Variants in UMAD1 observed in about 807,000 individuals in gnomAD.
UMAD1 encodes UBAP1-MVB12-associated (UMA)-domain containing protein 1.
In UMAD1, 8 loss-of-function variants were observed where a neutral mutation model predicts 6.1. That is an observed-to-expected ratio of 1.30 (90% CI 0.76 to 2.35). UMAD1 has a LOEUF of 2.35. Among genes scored for constraint, UMAD1 ranks in the 30% most tolerant of loss-of-function variants. The pLI is 0.00. For missense variants in UMAD1, 130 were observed against 78.4 expected (o/e 1.66, Z -2.49); for synonymous variants, 56 against 31.4 (o/e 1.78, Z -2.61).
At chr7:7,802,055 C>G (rs542976734) in intron 3 of UMAD1, among the ~76,000 whole-genome samples, 1 of 152,318 alleles carries the variant, frequency 6.6e-6, no homozygotes, top group East Asian at 1.9e-4. Context: ...AATAAATAGG[C>G]AGTATATTAA....
chr7:7,693,295 T>TATCTATCTATC, intron 2 of UMAD1, among the ~76,000 whole-genome samples: 1 of 148,886 alleles, frequency 6.7e-6, no homozygotes, highest in East Asian at 2.0e-4. Flanking sequence ...TAAAATATCT[T>TATCTATCTATC]TATCTATCTA....
chr7:7,785,318 A>G (rs575891222), intron 2 of UMAD1, among the ~76,000 whole-genome samples: 39 of 152,290 alleles, frequency 2.6e-4, no homozygotes, highest in African/African-American at 7.0e-4. Flanking sequence ...AAGAGGTGAC[A>G]TGGAATGGGG....
chr7:7,693,406 C>T (rs940051269), intron 2 of UMAD1, among the ~76,000 whole-genome samples: 4 of 152,022 alleles, frequency 2.6e-5, no homozygotes, highest in Admixed American at 6.6e-5. Flanking sequence ...TCCCTTCATT[C>T]TGCAATAGCT....
chr7:7,799,750 T>C (rs1583833969), intron 2 of UMAD1, among the ~76,000 whole-genome samples: 1 of 152,188 alleles, frequency 6.6e-6, no homozygotes, highest in East Asian at 1.9e-4. Flanking sequence ...CATGCATTGG[T>C]TTTTCCAGTG....
chr7:7,668,243 A>G (rs2115101184), intron 1 of UMAD1, among the ~76,000 whole-genome samples: 1 of 152,254 alleles, frequency 6.6e-6, no homozygotes, highest in East Asian at 1.9e-4. Context: ...ACACAATGTG[A>G]ATAATTGTGT....
chr7:7,877,692 A>G lies in UMAD1; in HGVS notation c.*154A>G. The G allele has an allele frequency of 5.1e-6, 3 of 590,794 alleles. No individual in the cohort carries two copies. The South Asian group carries it at 6.3e-5, about 12-fold the overall frequency. The allele number at this position is 590,794 out of a possible 1,614,324, so 36.6% of individuals were successfully genotyped here. On this transcript the variant is annotated 3_prime_UTR_variant, in exon 4 of 4. Transcript: ENST00000682710. ...TTATGTTCACTACTCTATTTTTAAG[A>G]AAAAGGTACATTTGTATACAAATTG...
chr7:7,761,327 T>C (rs1008980838), intron 2 of UMAD1, among the ~76,000 whole-genome samples: 1 of 138,346 alleles, frequency 7.2e-6, no homozygotes, highest in African/African-American at 2.8e-5. Flanking sequence ...ATCGTGTCAC[T>C]GTACTCCATC....
rs542662441 is a variant in UMAD1 at position 7,830,105 on chromosome 7, T to C, written c.156+28362T>C. ...AAAAGTTATATTATTTTCCCACCTC[T>C]CCCTCAAAAATCTACTATGTTATTT... On this transcript the variant is annotated intron_variant, in intron 3 of 3. Coordinates refer to ENST00000682710, the MANE Select transcript of UMAD1 (RefSeq NM_001302348.2). The surrounding 1 kb of genome is among the most constrained non-coding windows in gnomAD (Gnocchi z 5.3). Among the ~76,000 whole-genome samples the C allele has an allele frequency of 3.3e-5, 5 of 152,296 alleles. No individual in the cohort carries two copies. The highest frequency in any genetic ancestry group is 1.2e-4 in the African/African-American group (5 of 41,570).
intron 2 of UMAD1, among the ~76,000 whole-genome samples, chr7:7,688,868 G>C (rs1025982689): frequency 6.6e-6 from 1 of 151,976 alleles, no homozygotes; most frequent in Non-Finnish European, 1.5e-5. Flanking sequence ...TTTAATATTT[G>C]GTTAGAAAAC....
chr7:7,719,859 A>C (rs1781008066), intron 2 of UMAD1, among the ~76,000 whole-genome samples: 1 of 152,248 alleles, frequency 6.6e-6, no homozygotes, highest in South Asian at 2.1e-4. Context: ...TACAAACAAG[A>C]GATGGTAAAT....
chr7:7,758,591 C>T (rs1412268493), intron 2 of UMAD1, among the ~76,000 whole-genome samples: 1 of 152,160 alleles, frequency 6.6e-6, no homozygotes, highest in East Asian at 1.9e-4. Context: ...ATGCCATTTT[C>T]TTATACTTTT....
intron 2 of UMAD1, among the ~76,000 whole-genome samples, chr7:7,794,184 T>G (rs1264072977): frequency 6.6e-6 from 1 of 152,208 alleles, no homozygotes; most frequent in Non-Finnish European, 1.5e-5. Flanking sequence ...GTTTTCTGTA[T>G]TCACAGCCCT....
chr7:7,677,125 C>T (rs558983726), intron 2 of UMAD1, among the ~76,000 whole-genome samples: 11 of 152,006 alleles, frequency 7.2e-5, no homozygotes, highest in African/African-American at 2.4e-4. Context: ...ATTATGGGTC[C>T]GTAATAGTTG....
intron 3 of UMAD1, among the ~76,000 whole-genome samples, chr7:7,859,866 C>G (rs760191641): frequency 1.3e-5 from 2 of 152,162 alleles, no homozygotes; most frequent in Non-Finnish European, 2.9e-5. Flanking sequence ...TTTCACTAGA[C>G]TGTATTTTCC....
intron 2 of UMAD1, chr7:7,736,194 A>C (rs939899597): frequency 1.3e-5 from 2 of 152,250 alleles, no homozygotes; most frequent in Non-Finnish European, 2.9e-5. Context: ...TTCAGTTCCC[A>C]ATATAAATGT....
chr7:7,661,420 G>A lies in UMAD1; in HGVS notation c.-63-11889G>A, dbSNP rs568072462. ...TTTTTGGAATTTTCCGCCTTTTTGCGCTGGTTTGTCCCTATCTTTGTGGAT... is the reference window on the plus strand; with the variant it reads ...TTTTTGGAATTTTCCGCCTTTTTGCACTGGTTTGTCCCTATCTTTGTGGAT... On this transcript the variant is annotated intron_variant, in intron 1 of 3. Transcript: ENST00000682710. Among the ~76,000 whole-genome samples the A allele has an allele frequency of 3.1e-4, 47 of 152,228 alleles. 1 individual carries two copies. The highest frequency in any genetic ancestry group is 1.0e-3 in the Admixed American group (16 of 15,300).
chr7:7,718,767 C>A (rs1002185383), intron 2 of UMAD1, among the ~76,000 whole-genome samples: 9 of 152,112 alleles, frequency 5.9e-5, no homozygotes, highest in African/African-American at 2.2e-4. Flanking sequence ...AGGCAGGAAC[C>A]TTTCTTTTTT....
At chr7:7,697,230 G>A (rs1461875311) in intron 2 of UMAD1, among the ~76,000 whole-genome samples, 3 of 152,062 alleles carry the variant, frequency 2.0e-5, no homozygotes, top group Admixed American at 2.0e-4. Flanking sequence ...GTCCTGATTG[G>A]CTTTCTGAAC....
At chr7:7,676,625 G>A (rs1779747448) in intron 2 of UMAD1, among the ~76,000 whole-genome samples, 1 of 152,140 alleles carries the variant, frequency 6.6e-6, no homozygotes, top group Non-Finnish European at 1.5e-5. Context: ...AAGGTTGGTG[G>A]TTGTAATACT....
Sources: gnomAD v4.1 joint callset for allele counts (sites outside exome capture counted in the v4.1 genomes callset) on GRCh38, gnomAD v4.1.1 for gene constraint, Gnocchi (gnomAD v3.1) non-coding constraint, MANE v1.5 for transcripts, NCBI Gene and HGNC (gene_info 2026-07-23, HGNC 2026-07-21) for gene names.